Variants in C12orf42 observed in about 807,000 individuals in gnomAD.
C12orf42 encodes chromosome 12 open reading frame 42.
A neutral mutation model predicts 21.6 loss-of-function variants in C12orf42; 25 were observed. The observed-to-expected ratio is 1.16, with a 90% CI of 0.84 to 1.62. C12orf42 has a LOEUF of 1.62. C12orf42 is among the 40% of genes most tolerant of loss of function. The pLI is 0.00. For synonymous variants in C12orf42, 174 were observed against 175.0 expected, an observed-to-expected ratio of 0.99 and a Z score of 0.05; for missense variants, 483 against 459.3, an observed-to-expected ratio of 1.05 and a Z score of -0.47.
At chr12:103,087,052 T>C in the C12orf42 span, among the ~76,000 whole-genome samples, 1 of 152,190 alleles carries the variant, frequency 6.6e-6, no homozygotes, top group Non-Finnish European at 1.5e-5. Flanking sequence ...TCAAAACCTA[T>C]ATTTCTGCTT....
chr12:103,226,668 A>G, the C12orf42 span, among the ~76,000 whole-genome samples: 4 of 152,152 alleles, frequency 2.6e-5, no homozygotes, highest in African/African-American at 4.8e-5. Flanking sequence ...AGTGATAAAA[A>G]GATTATAGGG....
the C12orf42 span, among the ~76,000 whole-genome samples, chr12:103,069,257 A>G: frequency 1.3e-5 from 2 of 149,722 alleles, no homozygotes; most frequent in Non-Finnish European, 3.0e-5. Flanking sequence ...TAATTTCTTT[A>G]TCTTGCAATA....
At chr12:103,263,046 A>T (rs2034978951) in intron 10 of C12orf42, among the ~76,000 whole-genome samples, 1 of 152,142 alleles carries the variant, frequency 6.6e-6, no homozygotes, top group Admixed American at 6.5e-5. Context: ...GCAAGATATC[A>T]CAAGGACAGA....
At chr12:103,274,247 C>T (rs2035633226) in intron 5 of C12orf42, among the ~76,000 whole-genome samples, 1 of 152,164 alleles carries the variant, frequency 6.6e-6, no homozygotes, top group African/African-American at 2.4e-5. Flanking sequence ...GATTCAAACT[C>T]AAGACAGTTT....
At chr12:103,494,731 T>C (rs1239285365) in intron 1 of C12orf42, among the ~76,000 whole-genome samples, 1 of 152,108 alleles carries the variant, frequency 6.6e-6, no homozygotes, top group African/African-American at 2.4e-5. Context: ...AGCTATGAAG[T>C]TAGTATTAAA....
At chr12:103,192,502 C>CAAAAAAAAAAAAA in the C12orf42 span, among the ~76,000 whole-genome samples, 1 of 104,498 alleles carries the variant, frequency 9.6e-6, no homozygotes. Flanking sequence ...GACTCCATCT[C>CAAAAAAAAAAAAA]AAAAAAAAAA....
the C12orf42 span, among the ~76,000 whole-genome samples, chr12:103,139,221 A>G: frequency 6.6e-6 from 1 of 152,204 alleles, no homozygotes; most frequent in Non-Finnish European, 1.5e-5. Flanking sequence ...CTTTATCAAT[A>G]AAGCGCATTA....
At chr12:103,308,322 T>C (rs971792443) in intron 4 of C12orf42, among the ~76,000 whole-genome samples, 1 of 152,186 alleles carries the variant, frequency 6.6e-6, no homozygotes, top group Non-Finnish European at 1.5e-5. Flanking sequence ...GAATAAAAAC[T>C]GGAAGAAAAT....
At chr12:103,376,981 T>TA (rs2045755262) in intron 3 of C12orf42, among the ~76,000 whole-genome samples, 1 of 152,088 alleles carries the variant, frequency 6.6e-6, no homozygotes, top group South Asian at 2.1e-4. Context: ...GGGCTTCCTT[T>TA]AACTTATCTT....
chr12:103,450,286 C>A (rs540239515), intron 2 of C12orf42, among the ~76,000 whole-genome samples: 13 of 152,088 alleles, frequency 8.5e-5, no homozygotes, highest in Non-Finnish European at 1.3e-4. Context: ...TTGCCTATAA[C>A]TTTCCTTTTC....
chr12:103,143,963 C>T, the C12orf42 span, among the ~76,000 whole-genome samples: 2 of 152,090 alleles, frequency 1.3e-5, no homozygotes, highest in African/African-American at 4.8e-5. Flanking sequence ...TTATTATTAT[C>T]ACAGGGTTAT....
At chr12:103,325,039 T>C (rs1004075027) in intron 4 of C12orf42, among the ~76,000 whole-genome samples, 5 of 152,108 alleles carry the variant, frequency 3.3e-5, no homozygotes, top group African/African-American at 4.8e-5. Context: ...ATAGTTGGGG[T>C]TGACTTCGAG....
chr12:103,171,716 G>A, the C12orf42 span, among the ~76,000 whole-genome samples: 1 of 152,120 alleles, frequency 6.6e-6, no homozygotes, highest in African/African-American at 2.4e-5. Flanking sequence ...GAACGAAACA[G>A]GAGAACAATG....
chr12:103,504,134 A>T, the C12orf42 span: 1 of 152,526 alleles, frequency 6.6e-6, no homozygotes, highest in Non-Finnish European at 1.5e-5. Context: ...AGGCTCATAG[A>T]GCCCAACTGC....
chr12:103,483,613 T>C (rs61380759), intron 1 of C12orf42, among the ~76,000 whole-genome samples: 103 of 152,322 alleles, frequency 6.8e-4, no homozygotes, highest in African/African-American at 2.4e-3. Flanking sequence ...CAGCCGTTTT[T>C]TTGCTGAATT....
At chr12:103,256,101 TATATATATATACACACACAC>T (rs1476028399) in intron 10 of C12orf42, among the ~76,000 whole-genome samples, 3 of 38,710 alleles carry the variant, frequency 7.7e-5, no homozygotes, top group African/African-American at 2.5e-4. Flanking sequence ...TATATATATA[TATATATATATACACACACAC>T]ACACACACAC....
chr12:103,290,282 AG>A (rs2036712886), intron 4 of C12orf42, among the ~76,000 whole-genome samples: 1 of 152,198 alleles, frequency 6.6e-6, no homozygotes, highest in African/African-American at 2.4e-5. Context: ...AAAGTCACTC[AG>A]GAACAACAGC....
At chr12:103,146,238 T>C in the C12orf42 span, among the ~76,000 whole-genome samples, 80 of 151,780 alleles carry the variant, frequency 5.3e-4, no homozygotes, top group Non-Finnish European at 1.0e-3. Flanking sequence ...CCCAGCACTT[T>C]AGGAGGCCAA....
intron 3 of C12orf42, among the ~76,000 whole-genome samples, chr12:103,390,686 T>C (rs954674775): frequency 2.0e-5 from 3 of 152,140 alleles, no homozygotes; most frequent in African/African-American, 7.2e-5. Flanking sequence ...ACCCAGAGGT[T>C]TGAAAATCAA....
Sources: gnomAD v4.1 joint callset for allele counts (sites outside exome capture counted in the v4.1 genomes callset) on GRCh38, gnomAD v4.1.1 for gene constraint, MANE v1.5 for transcripts, NCBI Gene and HGNC (gene_info 2026-07-23, HGNC 2026-07-21) for gene names.